OXNAD1: variants seen among roughly 807,000 people sequenced by gnomAD.
The protein encoded by OXNAD1 is oxidoreductase NAD binding domain containing 1, also known as oxidoreductase NAD-binding domain-containing protein 1.
Under a neutral mutation model 32.9 loss-of-function variants are expected in OXNAD1, and 34 were observed. The ratio of observed to expected loss-of-function variants is 1.03; its 90% CI spans 0.79 to 1.38. OXNAD1 has a LOEUF of 1.38. Ranked by LOEUF, OXNAD1 falls within the 40% of genes most tolerant of loss-of-function variation. The pLI is 0.00. For missense variants in OXNAD1, 407 were observed against 379.4 expected (o/e 1.07, Z -0.60); for synonymous variants, 134 against 135.2 (o/e 0.99, Z 0.06).
chr3:16,287,783 T>C lies in OXNAD1; in HGVS notation c.290+1335T>C, dbSNP rs2066172103. Reference sequence around the variant, plus strand: ...TCAGTTACCTGATAAGAAAATGTCCTCATTCCCTAGTGATATTTGTAGAAA... The same window carrying C: ...TCAGTTACCTGATAAGAAAATGTCCCCATTCCCTAGTGATATTTGTAGAAA... On this transcript the variant is annotated intron_variant, in intron 5 of 8. Transcript: ENST00000285083. The surrounding 1 kb of genome is among the most constrained non-coding windows in gnomAD (Gnocchi z 4.8). Among the ~76,000 whole-genome samples the C allele has an allele frequency of 6.6e-6, 1 of 152,228 alleles. No homozygotes were observed. The highest frequency in any genetic ancestry group is 2.1e-4 in the South Asian group (1 of 4,834).
intron 4 of OXNAD1, among the ~76,000 whole-genome samples, chr3:16,281,232 A>C (rs764915330): frequency 2.0e-5 from 3 of 152,254 alleles, no homozygotes; most frequent in Non-Finnish European, 4.4e-5. Context: ...ACAGGGAAGC[A>C]TGTCTTTAAA....
In OXNAD1 at chr3:16,271,171, A is replaced by G; in HGVS notation, c.119+100A>G. On this transcript the variant is annotated intron_variant, in intron 3 of 8. Transcript: ENST00000285083. This position sits in a 1 kb window ranked among gnomAD's most constrained non-coding sequence, Gnocchi z 4.6. ...CATATCAAACTCCCGGAAAGGTAACACCTTAGCTTCAATGTGCATGCTGTC... is the reference window on the plus strand; with the variant it reads ...CATATCAAACTCCCGGAAAGGTAACGCCTTAGCTTCAATGTGCATGCTGTC... 7.3e-7 allele frequency: 1 copy of G among 1,375,352 alleles called. No individual in the cohort carries two copies. The highest frequency in any genetic ancestry group is 1.0e-6 in the Non-Finnish European group (1 of 1,001,958). The allele number at this position is 1,375,352 out of a possible 1,614,324, so 85.2% of individuals were successfully genotyped here. A position where few individuals can be genotyped will look rare whatever the true frequency, so the allele number is the denominator to read the frequency against.
At chr3:16,286,727 A>G (rs999094953) in intron 5 of OXNAD1, among the ~76,000 whole-genome samples, 1 of 152,232 alleles carries the variant, frequency 6.6e-6, no homozygotes, top group African/African-American at 2.4e-5. Flanking sequence ...GGCCCATGGA[A>G]CTGACAGCTC....
At chr3:16,342,023 T>C, downstream of OXNAD1, among the ~76,000 whole-genome samples, 1 of 152,214 alleles carries the variant, frequency 6.6e-6, no homozygotes, top group East Asian at 1.9e-4. The surrounding 1 kb of genome is among the most constrained non-coding windows in gnomAD (Gnocchi z 4.0). Flanking sequence ...CACTTGTCAC[T>C]TTTTTCAACA....
Position 16,345,829 on chromosome 3 carries a change from T to TGC in OXNAD1, c.*31-3342_*31-3341dup, listed in dbSNP as rs1553726204. Among the ~76,000 whole-genome samples, 944 of 69,788 alleles carry TGC rather than the reference T, an allele frequency of 0.014. 4 individuals are homozygous for TGC. Among genetic ancestry groups the TGC allele is most frequent in the Middle Eastern group, 0.049 (6 of 122 alleles). 45.8% of individuals were successfully genotyped at this position (69,788 alleles called of 152,430 possible). ...GTGTGTGTGTGTGTGCGCGCGCGCG[T>TGC]GCGCGCACGCGCACATGTGCATGTG... On this transcript the variant is annotated intron_variant, in intron 9 of 9. Transcript: ENST00000606098. The surrounding 1 kb of genome is among the most constrained non-coding windows in gnomAD (Gnocchi z 5.2).
In OXNAD1 at chr3:16,277,667, A is replaced by G. The variant is rs1333572393; in HGVS notation, c.183+5945A>G. Among the ~76,000 whole-genome samples, 5 of 151,928 alleles carry G rather than the reference A, an allele frequency of 3.3e-5. No individual in the cohort carries two copies. The highest frequency in any genetic ancestry group is 7.4e-5 in the Non-Finnish European group (5 of 67,984). The stretch of plus-strand genomic sequence containing the variant: ...TTCCTAGCTAAAGGACTGTGTTGCT[A>G]CTCTTGGAGTCGACAGGAAATGGAA... On this transcript the variant is annotated intron_variant, in intron 4 of 8. Transcript: ENST00000285083. The surrounding 1 kb of genome is among the most constrained non-coding windows in gnomAD (Gnocchi z 4.3).
At position 16,321,252 on chromosome 3, in the gene OXNAD1, G is replaced by C. The variant is rs1357263768; in HGVS notation, c.*31-15860G>C. On this transcript the variant is annotated intron_variant, in intron 9 of 9. Coordinates refer to the OXNAD1 transcript ENST00000435829. The surrounding 1 kb of genome is among the most constrained non-coding windows in gnomAD (Gnocchi z 4.8). Reference sequence around the variant, plus strand: ...GGGTGCAGTGAGGGCTGAAAATGCAGGCGGAATGGTCATTGGCACAGAGGT... The same window carrying C: ...GGGTGCAGTGAGGGCTGAAAATGCACGCGGAATGGTCATTGGCACAGAGGT... 6.6e-6 allele frequency among the ~76,000 whole-genome samples: 1 copy of C among 152,176 alleles called. No homozygotes were observed. Among genetic ancestry groups the C allele is most frequent in the Non-Finnish European group, 1.5e-5 (1 of 68,028 alleles).
rs2065465785 is a variant in OXNAD1 at position 16,277,991 on chromosome 3, T to A, written c.183+6269T>A. On this transcript the variant is annotated intron_variant, in intron 4 of 8. Coordinates refer to ENST00000285083, the MANE Select transcript of OXNAD1 (RefSeq NM_138381.5). This position sits in a 1 kb window ranked among gnomAD's most constrained non-coding sequence, Gnocchi z 4.3. ...TAAAGATTGTTCAGGCAAGACAAAT[T>A]TTACTGGAGGGGGTCATTCCGTGCT... Among the ~76,000 whole-genome samples the A allele has an allele frequency of 6.6e-6, 1 of 152,132 alleles. No individual in the cohort carries two copies. Among genetic ancestry groups the A allele is most frequent in the Non-Finnish European group, 1.5e-5 (1 of 68,022 alleles).
downstream of OXNAD1, among the ~76,000 whole-genome samples, chr3:16,341,163 C>T (rs1436523961): frequency 6.6e-6 from 1 of 152,144 alleles, no homozygotes; most frequent in Non-Finnish European, 1.5e-5. This position sits in a 1 kb window ranked among gnomAD's most constrained non-coding sequence, Gnocchi z 4.7. Flanking sequence ...TACTTAATGC[C>T]GGTGAGGATG....
intron 9 of OXNAD1, among the ~76,000 whole-genome samples, chr3:16,323,183 G>A (rs1198929290): frequency 6.6e-6 from 1 of 152,126 alleles, no homozygotes; most frequent in Non-Finnish European, 1.5e-5. Context: ...TGGCAGACAA[G>A]GCCCTCCAGT....
chr3:16,293,900 C>T (rs1333289097), intron 5 of OXNAD1, among the ~76,000 whole-genome samples: 1 of 152,120 alleles, frequency 6.6e-6, no homozygotes, highest in African/African-American at 2.4e-5. Context: ...CTTTTCTTGA[C>T]TATTGAGATG....
rs1268091015 is a variant in OXNAD1 at position 16,299,999 on chromosome 3, T to C, written c.433-1627T>C. ...GTGAGGTGGGCAGTGCAGGTGCTGG[T>C]ACCCATTTTCCAGGGGTGGCAGATG... On this transcript the variant is annotated intron_variant, in intron 6 of 8. Coordinates refer to ENST00000285083, the MANE Select transcript of OXNAD1 (RefSeq NM_138381.5). The surrounding 1 kb of genome is among the most constrained non-coding windows in gnomAD (Gnocchi z 4.4). Among the ~76,000 whole-genome samples the C allele has an allele frequency of 6.6e-6, 1 of 152,204 alleles. No homozygotes were observed. The highest frequency in any genetic ancestry group is 1.9e-4 in the East Asian group (1 of 5,202).
downstream of OXNAD1, among the ~76,000 whole-genome samples, chr3:16,309,347 C>G (rs925674181): frequency 6.6e-5 from 10 of 152,096 alleles, no homozygotes; most frequent in African/African-American, 2.4e-4. Flanking sequence ...ACCAAGTTAC[C>G]CTATAAAATG....
chr3:16,314,112 A>G lies in OXNAD1; in HGVS notation c.*30+10520A>G, dbSNP rs898031940. On this transcript the variant is annotated intron_variant, in intron 9 of 9. Coordinates refer to the OXNAD1 transcript ENST00000435829. The surrounding 1 kb of genome is among the most constrained non-coding windows in gnomAD (Gnocchi z 4.4). ...CAGTGGGTTTGCAGGACTCCCCTGC[A>G]AACCCACTGTGACAGCTGCAGCCTC... Among the ~76,000 whole-genome samples, 1 of 151,952 alleles carries G rather than the reference A, an allele frequency of 6.6e-6. No individual in the cohort carries two copies. The highest frequency in any genetic ancestry group is 2.4e-5 in the African/African-American group (1 of 41,382).
At position 16,303,805 on chromosome 3, in the gene OXNAD1, A is replaced by T. The variant is rs1298080744; in HGVS notation, c.*243A>T. 2.9e-6 allele frequency: 1 copy of T among 342,916 alleles called. No homozygotes were observed. Among genetic ancestry groups the T allele is most frequent in the African/African-American group, 2.1e-5 (1 of 47,394 alleles). The allele number at this position is 342,916 out of a possible 1,614,324, so 21.2% of individuals were successfully genotyped here. ...ATTTTCTGTTATTAACAACGATTTAATTGTCTCATGATGTACCATGATTGG... is the reference window on the plus strand; with the variant it reads ...ATTTTCTGTTATTAACAACGATTTATTTGTCTCATGATGTACCATGATTGG... On this transcript the variant is annotated 3_prime_UTR_variant, in exon 9 of 9. Coordinates refer to ENST00000285083, the MANE Select transcript of OXNAD1 (RefSeq NM_138381.5). The surrounding 1 kb of genome is among the most constrained non-coding windows in gnomAD (Gnocchi z 4.8).
rs1452791136 is a variant in OXNAD1 at position 16,277,635 on chromosome 3, C to G, written c.183+5913C>G. Among the ~76,000 whole-genome samples the G allele has an allele frequency of 6.6e-6, 1 of 152,198 alleles. No individual in the cohort carries two copies. Among genetic ancestry groups the G allele is most frequent in the Non-Finnish European group, 1.5e-5 (1 of 68,044 alleles). On this transcript the variant is annotated intron_variant, in intron 4 of 8. Transcript: ENST00000285083. This position sits in a 1 kb window ranked among gnomAD's most constrained non-coding sequence, Gnocchi z 4.3. ...TCTCAGTGACGAAAGGAAGCTCCAG[C>G]TCAGAATTCCTAGCTAAAGGACTGT... is the stretch of plus-strand genomic sequence containing the variant.
At chr3:16,300,066 A>G (rs1214834304) in intron 6 of OXNAD1, among the ~76,000 whole-genome samples, 1 of 152,220 alleles carries the variant, frequency 6.6e-6, no homozygotes, top group African/African-American at 2.4e-5. Flanking sequence ...CATAGGGGCT[A>G]TGATTAAAAT....
intron 4 of OXNAD1, among the ~76,000 whole-genome samples, chr3:16,281,460 A>G (rs1344390047): frequency 6.6e-6 from 1 of 152,218 alleles, no homozygotes; most frequent in Admixed American, 6.5e-5. Flanking sequence ...TTTGGATTTC[A>G]GATTTTCACA....
Position 16,327,678 on chromosome 3 carries a change from G to A in OXNAD1, c.*31-9434G>A, listed in dbSNP as rs1207646151. Among the ~76,000 whole-genome samples, 2 of 151,920 alleles carry A rather than the reference G, an allele frequency of 1.3e-5. No homozygotes were observed. Among genetic ancestry groups the A allele is most frequent in the East Asian group, 1.9e-4 (1 of 5,178 alleles). On this transcript the variant is annotated intron_variant, in intron 9 of 9. Transcript: ENST00000435829. The surrounding 1 kb of genome is among the most constrained non-coding windows in gnomAD (Gnocchi z 4.2). ...CGGGAGGCTGAGGCAGGAGAATGGC[G>A]TGAACCCGGGAGGTGGAGCTTGCAG...
Sources: gnomAD v4.1 joint callset for allele counts (sites outside exome capture counted in the v4.1 genomes callset) on GRCh38, gnomAD v4.1.1 for gene constraint, Gnocchi (gnomAD v3.1) non-coding constraint, MANE v1.5 for transcripts, NCBI Gene and HGNC (gene_info 2026-07-23, HGNC 2026-07-21) for gene names.